LRIG1: variants seen among roughly 807,000 people sequenced by gnomAD.
The protein encoded by LRIG1 is leucine rich repeats and immunoglobulin like domains 1.
LRIG1 carries 48 observed loss-of-function variants against 99.2 expected under a neutral mutation model. That is an observed-to-expected ratio of 0.48 (90% CI 0.38 to 0.62). LRIG1 has a LOEUF of 0.62. LRIG1 is among the 20% of genes least tolerant of loss of function. The probability of loss-of-function intolerance (pLI) is 0.00; values close to 1 mark genes in which losing one functional copy is unlikely to be tolerated. For missense variants in LRIG1, 1,646 were observed against 1,434.4 expected, an observed-to-expected ratio of 1.15 and a Z score of -2.38; for synonymous variants, 772 against 596.1, an observed-to-expected ratio of 1.29 and a Z score of -4.30.
chr3:66,459,547 G>T (rs772127202), intron 2 of LRIG1, among the ~76,000 whole-genome samples: 2 of 152,166 alleles, frequency 1.3e-5, no homozygotes, highest in African/African-American at 2.4e-5. Context: ...TGATCACACT[G>T]TTTCCGTTAT....
At chr3:66,488,962 GGTT>G (rs1470573155) in intron 1 of LRIG1, among the ~76,000 whole-genome samples, 1 of 152,056 alleles carries the variant, frequency 6.6e-6, no homozygotes, top group Non-Finnish European at 1.5e-5. Flanking sequence ...TTATTTTCCT[GGTT>G]TTTTTTCTTT....
chr3:66,401,655 C>G (rs1702061096), intron 9 of LRIG1: 3 of 1,529,918 alleles, frequency 2.0e-6, no homozygotes, highest in Non-Finnish European at 2.6e-6. Flanking sequence ...CTGCAGCCAG[C>G]AGACTGGGAT....
rs1218238574 is a variant in LRIG1 at position 66,500,574 on chromosome 3, C to A, written c.-167G>T. On this transcript the variant is annotated 5_prime_UTR_variant, in exon 1 of 19. Transcript: ENST00000273261. ...GGCCGCGGCTCCGGCACTCAGCGTG[C>A]CCCCGGTGCCCGGGCCGCTCCGGAG... 1.7e-4 allele frequency: 64 copies of A among 382,472 alleles called. No homozygotes were observed. The East Asian group carries it at 2.3e-3, about 14-fold the overall frequency. The allele number at this position is 382,472 out of a possible 1,614,324, so 23.7% of individuals were successfully genotyped here.
chr3:66,491,400 G>T (rs1389499731), intron 1 of LRIG1, among the ~76,000 whole-genome samples: 2 of 152,182 alleles, frequency 1.3e-5, no homozygotes, highest in Non-Finnish European at 2.9e-5. Flanking sequence ...AAAGTGGAAG[G>T]TTAATCAGAA....
chr3:66,401,420 TCTC>T (rs555526975), intron 9 of LRIG1, among the ~76,000 whole-genome samples: 4 of 152,152 alleles, frequency 2.6e-5, no homozygotes, highest in South Asian at 2.1e-4. Flanking sequence ...TTTAGTGAAA[TCTC>T]CTGTAAATGA....
At position 66,382,995 on chromosome 3, in the gene LRIG1, AC is replaced by A; in HGVS notation, c.2477del (p.Ser826MetfsTer179). On this transcript the variant is annotated frameshift_variant, in exon 15 of 19. Transcript: ENST00000273261. LOFTEE classifies it high-confidence loss of function. ...YQTRKKSEEY[S>X]VTNTDETVVP... ...GCAGGGCCTGACCTGTGTTGGTGACACTGTACTCTTCACTCTTCTTCCTGGT... is the reference window on the plus strand; with the variant it reads ...GCAGGGCCTGACCTGTGTTGGTGACATGTACTCTTCACTCTTCTTCCTGGT... 6.2e-7 allele frequency: 1 copy of A among 1,611,980 alleles called. No homozygotes were observed. Among genetic ancestry groups the A allele is most frequent in the Non-Finnish European group, 8.5e-7 (1 of 1,178,618 alleles).
rs1174032497 is a variant in LRIG1 at position 66,500,267 on chromosome 3, G to A, written c.141C>T (p.Cys47=). The change falls in exon 1 of 19, where the codon TGC becomes TGT. Residue 47 remains cysteine (C), a synonymous_variant. Coordinates refer to ENST00000273261, the MANE Select transcript of LRIG1 (RefSeq NM_015541.3). ...PRAPCAAACT[C]AGDSLDCGGR... ...CACCGCAGTCCAGCGAGTCCCCAGC[G>A]CAAGTGCAGGCGGCCGCGCAGGGCG... 1.3e-6 allele frequency: 2 copies of A among 1,498,586 alleles called. No homozygotes were observed. The highest frequency in any genetic ancestry group is 1.8e-6 in the Non-Finnish European group (2 of 1,130,356). The allele number at this position is 1,498,586 out of a possible 1,614,324, so 92.8% of individuals were successfully genotyped here.
chr3:66,412,237 T>C (rs1443470908), intron 6 of LRIG1, among the ~76,000 whole-genome samples: 4 of 152,174 alleles, frequency 2.6e-5, no homozygotes, highest in African/African-American at 7.2e-5. Flanking sequence ...AGATGAGCTC[T>C]ACATTTTTGG....
intron 1 of LRIG1, among the ~76,000 whole-genome samples, chr3:66,464,747 C>A (rs1434138862): frequency 2.0e-5 from 3 of 152,160 alleles, no homozygotes; most frequent in Admixed American, 1.3e-4. Flanking sequence ...TCACTTCCCA[C>A]CCAGCAAGTA....
At chr3:66,381,850 A>ACGGTCT (rs1317773963) in intron 16 of LRIG1, among the ~76,000 whole-genome samples, 7 of 152,142 alleles carry the variant, frequency 4.6e-5, no homozygotes, top group Non-Finnish European at 1.0e-4. Flanking sequence ...GTGAGCCTCT[A>ACGGTCT]CAGTCTCAGG....
intron 12 of LRIG1, chr3:66,386,625 A>C: frequency 3.4e-6 from 1 of 291,832 alleles, no homozygotes. Context: ...TTTCACACAA[A>C]ACAGTCAGGC....
At chr3:66,386,974 G>C (rs1446947115) in intron 12 of LRIG1, 2 of 150,992 alleles carry the variant, frequency 1.3e-5, no homozygotes, top group Non-Finnish European at 2.9e-5. Context: ...GGTCAGAATG[G>C]GCTCCCCAAA....
intron 2 of LRIG1, among the ~76,000 whole-genome samples, chr3:66,454,420 A>G (rs1575704293): frequency 6.6e-6 from 1 of 152,328 alleles, no homozygotes; most frequent in African/African-American, 2.4e-5. Flanking sequence ...CTCCATGAAT[A>G]AAGAAATTTT....
At chr3:66,436,667 T>C (rs1413881075) in intron 3 of LRIG1, among the ~76,000 whole-genome samples, 1 of 140,344 alleles carries the variant, frequency 7.1e-6, no homozygotes, top group Non-Finnish European at 1.5e-5. Context: ...CAGGAAGAAC[T>C]GAAGAGGAGG....
chr3:66,429,477 CT>C (rs1703086283), intron 3 of LRIG1, among the ~76,000 whole-genome samples: 1 of 152,224 alleles, frequency 6.6e-6, no homozygotes, highest in Non-Finnish European at 1.5e-5. Flanking sequence ...TCTGAAAAGA[CT>C]ACCAATTGTA....
Position 66,382,305 on chromosome 3 carries a change from C to T in LRIG1, c.2585G>A (p.Gly862Asp). 6.2e-7 allele frequency: 1 copy of T among 1,614,142 alleles called. No homozygotes were observed. The highest frequency in any genetic ancestry group is 1.1e-5 in the South Asian group (1 of 91,082). The change falls in exon 16 of 19, where the codon GGC becomes GAC. Residue 862 changes from glycine (G) to aspartate (D), a missense_variant. By Grantham distance (94) the Gly-to-Asp change is moderately conservative. Transcript: ENST00000273261. Reference protein sequence around the residue: ...RQETVVRTEGGPQANGHIESN... With the variant: ...RQETVVRTEGDPQANGHIESN... ...CTCAATGTGCCCATTGGCCTGAGGG[C>T]CACCCTCGGTCCTGACCACGGTTTC...
chr3:66,483,969 A>G (rs1176846649), intron 1 of LRIG1, among the ~76,000 whole-genome samples: 2 of 152,250 alleles, frequency 1.3e-5, no homozygotes, highest in African/African-American at 4.8e-5. Context: ...CAATTCTTGC[A>G]TATGGGACTT....
Position 66,495,881 on chromosome 3 carries a change from C to T in LRIG1, c.218+4309G>A, listed in dbSNP as rs567500123. ...CACCCCTGCAGAAGCGGGAGAGGCCCTTTCATTGTGATCATGGTGTCTGAG... is the reference window on the plus strand; with the variant it reads ...CACCCCTGCAGAAGCGGGAGAGGCCTTTTCATTGTGATCATGGTGTCTGAG... On this transcript the variant is annotated intron_variant, in intron 1 of 18. Coordinates refer to ENST00000273261, the MANE Select transcript of LRIG1 (RefSeq NM_015541.3). Among the ~76,000 whole-genome samples the T allele has an allele frequency of 1.7e-4, 26 of 152,282 alleles. 1 individual carries two copies. The highest frequency in any genetic ancestry group is 6.0e-4 in the African/African-American group (25 of 41,550).
chr3:66,383,445 G>A (rs559773211), intron 14 of LRIG1, 44 bp from the exon 15 acceptor site: 61 of 1,489,504 alleles, frequency 4.1e-5, no homozygotes, highest in Admixed American at 6.6e-5. Flanking sequence ...CAGGGCCTCC[G>A]TTGCTCTGGC....
Sources: allele counts gnomAD v4.1 joint callset (sites outside exome capture counted in the v4.1 genomes callset), GRCh38; gene constraint gnomAD v4.1.1; transcripts MANE v1.5; gene names NCBI Gene and HGNC (gene_info 2026-07-23, HGNC 2026-07-21).